SPPL3: variants seen among roughly 807,000 people sequenced by gnomAD.
The protein encoded by SPPL3 is signal peptide peptidase-like 3.
A neutral mutation model predicts 42.4 loss-of-function variants in SPPL3; 5 were observed. That is an observed-to-expected ratio of 0.12 (90% CI 0.06 to 0.25). The LOEUF is 0.25. Ranked by LOEUF, SPPL3 falls within the 10% of genes least tolerant of loss-of-function variation. The pLI is 1.00. For synonymous variants in SPPL3, 195 were observed against 181.8 expected (o/e 1.07, Z -0.58); for missense variants, 235 against 489.0 (o/e 0.48, Z 4.90).
At chr12:120,802,212 CTTATA>C (rs1870320754) in intron 2 of SPPL3, among the ~76,000 whole-genome samples, 1 of 151,730 alleles carries the variant, frequency 6.6e-6, no homozygotes, top group Admixed American at 6.6e-5. Flanking sequence ...GAAACATGGG[CTTATA>C]TTTAGGTATT....
intron 1 of SPPL3, among the ~76,000 whole-genome samples, chr12:120,847,062 A>G (rs1471643207): frequency 2.6e-5 from 4 of 152,250 alleles, no homozygotes; most frequent in African/African-American, 9.6e-5. Flanking sequence ...ATTCTGACTT[A>G]TAAACCCAGA....
At chr12:120,889,143 T>C (rs951487991) in intron 1 of SPPL3, among the ~76,000 whole-genome samples, 2 of 152,068 alleles carry the variant, frequency 1.3e-5, no homozygotes, top group Non-Finnish European at 2.9e-5. Flanking sequence ...AAGCTATTTA[T>C]AAAATATAAA....
At chr12:120,817,246 G>T (rs909321218) in intron 1 of SPPL3, among the ~76,000 whole-genome samples, 1 of 152,182 alleles carries the variant, frequency 6.6e-6, no homozygotes, top group Non-Finnish European at 1.5e-5. Flanking sequence ...AATGAGCCAT[G>T]ATCGTGCCAC....
chr12:120,814,353 G>T (rs938995169), intron 1 of SPPL3, among the ~76,000 whole-genome samples: 1 of 152,288 alleles, frequency 6.6e-6, no homozygotes, highest in African/African-American at 2.4e-5. Context: ...GGCCACTCGA[G>T]CCTCTCTCTT....
chr12:120,828,449 TAGAA>T (rs1353789622), intron 1 of SPPL3, among the ~76,000 whole-genome samples: 2 of 151,348 alleles, frequency 1.3e-5, no homozygotes, highest in Non-Finnish European at 2.9e-5. Context: ...TCAAATCAAA[TAGAA>T]GGAAGGAAGT....
chr12:120,857,322 C>T (rs1313773506), intron 1 of SPPL3, among the ~76,000 whole-genome samples: 2 of 152,150 alleles, frequency 1.3e-5, no homozygotes, highest in African/African-American at 4.8e-5. Flanking sequence ...AGTCAAGAAA[C>T]AACAGATGCT....
intron 1 of SPPL3, among the ~76,000 whole-genome samples, chr12:120,848,523 C>T (rs1872120354): frequency 6.6e-6 from 1 of 152,202 alleles, no homozygotes; most frequent in African/African-American, 2.4e-5. Context: ...TTTACTTTAA[C>T]TTACTTGCCC....
At chr12:120,903,587 G>T (rs920916379) in intron 1 of SPPL3, 6 of 452,460 alleles carry the variant, frequency 1.3e-5, no homozygotes, top group East Asian at 1.2e-4. Context: ...TCCATCACCT[G>T]CTCCGCCCAT....
chr12:120,876,763 A>G (rs1246206638), intron 1 of SPPL3, among the ~76,000 whole-genome samples: 1 of 151,798 alleles, frequency 6.6e-6, no homozygotes, highest in Non-Finnish European at 1.5e-5. Context: ...GGAAAAAAAG[A>G]AAGTTTTCAA....
chr12:120,764,979 G>C lies in SPPL3; in HGVS notation c.*20C>G, dbSNP rs1868827597. On this transcript the variant is annotated 3_prime_UTR_variant, in exon 11 of 11. Coordinates refer to ENST00000353487, the MANE Select transcript of SPPL3 (RefSeq NM_139015.5). ...AGAAAAGGACTATGACGGCCATCTGGTCACTTTCCACGTGATCCATCATAC... is the reference window on the plus strand; with the variant it reads ...AGAAAAGGACTATGACGGCCATCTGCTCACTTTCCACGTGATCCATCATAC... 1 of 1,612,690 alleles carries C rather than the reference G, an allele frequency of 6.2e-7. No individual in the cohort carries two copies. The highest frequency in any genetic ancestry group is 2.2e-5 in the East Asian group (1 of 44,850).
intron 1 of SPPL3, among the ~76,000 whole-genome samples, chr12:120,899,892 A>AAAAG (rs1873922381): frequency 6.6e-6 from 1 of 150,810 alleles, no homozygotes; most frequent in African/African-American, 2.4e-5. Context: ...CTGTCTCAAA[A>AAAAG]AAAAAAAAAA....
intron 2 of SPPL3, among the ~76,000 whole-genome samples, chr12:120,807,311 A>T (rs554054324): frequency 6.6e-6 from 1 of 152,182 alleles, no homozygotes; most frequent in Admixed American, 6.5e-5. Flanking sequence ...ACACTAAAAA[A>T]TGGTTTAAAT....
chr12:120,879,227 T>C lies in SPPL3; in HGVS notation c.23+24618A>G, dbSNP rs1001778143. Among the ~76,000 whole-genome samples the C allele has an allele frequency of 4.5e-4, 69 of 152,104 alleles. 2 individuals are homozygous for C. Among genetic ancestry groups the C allele is most frequent in the Admixed American group, 4.4e-3 (67 of 15,270 alleles). ...GCTGCAGTCACATGCAATTCACCTC[T>C]GGAAAAGCACATTACTTTTGAGTTA... On this transcript the variant is annotated intron_variant, in intron 1 of 10. Transcript: ENST00000353487.
At chr12:120,856,328 T>C (rs898846990) in intron 1 of SPPL3, among the ~76,000 whole-genome samples, 1 of 150,910 alleles carries the variant, frequency 6.6e-6, no homozygotes, top group African/African-American at 2.4e-5. Flanking sequence ...TCTTTTTTTG[T>C]GGTCTTGAGG....
In SPPL3 at chr12:120,852,724, A is replaced by G. The variant is rs1566060837; in HGVS notation, c.24-41838T>C. Reference sequence around the variant, plus strand: ...TTTACATATATGAAATATATTTTATATATAATATACATATAATATATTTCA... The same window carrying G: ...TTTACATATATGAAATATATTTTATGTATAATATACATATAATATATTTCA... On this transcript the variant is annotated intron_variant, in intron 1 of 10. Transcript: ENST00000353487. 1.8e-3 allele frequency among the ~76,000 whole-genome samples: 95 copies of G among 53,768 alleles called. 8 individuals are homozygous for G. In the East Asian group the frequency reaches 0.033, roughly 19 times the overall value. 35.3% of individuals were successfully genotyped at this position (53,768 alleles called of 152,430 possible). A position where few individuals can be genotyped will look rare whatever the true frequency, so the allele number is the denominator to read the frequency against.
chr12:120,791,926 C>T, intron 2 of SPPL3: 4 of 240,946 alleles, frequency 1.7e-5, no homozygotes, highest in Non-Finnish European at 3.2e-5. Flanking sequence ...TGCATCAGTT[C>T]ACTCTCTCAG....
rs1268533048 is a variant in SPPL3 at position 120,800,755 on chromosome 12, CACTAAGAAAGAAAG to C, written c.102-9212_102-9199del. Among the ~76,000 whole-genome samples the C allele has an allele frequency of 2.6e-5, 4 of 152,168 alleles. No homozygotes were observed. The East Asian group carries it at 7.7e-4, about 29-fold the overall frequency. ...ATTATTGATACTTACATAGAACCTACACTAAGAAAGAAAGACTAAGAACCTGGGCAGGAAGAAAC... is the reference window on the plus strand; with the variant it reads ...ATTATTGATACTTACATAGAACCTACACTAAGAACCTGGGCAGGAAGAAAC... On this transcript the variant is annotated intron_variant, in intron 2 of 10. Coordinates refer to ENST00000353487, the MANE Select transcript of SPPL3 (RefSeq NM_139015.5).
rs67510255 is a variant in SPPL3 at position 120,867,754 on chromosome 12, ATT to A, written c.23+36089_23+36090del. ...TAGACAATTCATGTATTAAAAAAAA[ATT>A]TTTTTTTGAGACAGAGTCTCGCTCT... On this transcript the variant is annotated intron_variant, in intron 1 of 10. Coordinates refer to ENST00000353487, the MANE Select transcript of SPPL3 (RefSeq NM_139015.5). Among the ~76,000 whole-genome samples the A allele has an allele frequency of 3.9e-3, 588 of 150,642 alleles. 6 individuals carry two copies. Among genetic ancestry groups the A allele is most frequent in the Non-Finnish European group, 3.0e-3 (204 of 67,698 alleles).
At chr12:120,878,329 G>C (rs1356614109) in intron 1 of SPPL3, among the ~76,000 whole-genome samples, 1 of 152,140 alleles carries the variant, frequency 6.6e-6, no homozygotes. Flanking sequence ...TCATTAACAA[G>C]ATACTTTACG....
Sources: gnomAD v4.1 joint callset for allele counts (sites outside exome capture counted in the v4.1 genomes callset) on GRCh38, gnomAD v4.1.1 for gene constraint, MANE v1.5 for transcripts, NCBI Gene and HGNC (gene_info 2026-07-23, HGNC 2026-07-21) for gene names.